The following CSTF3 variants were observed in gnomAD, a reference collection of about 807,000 sequenced individuals.
CSTF3 encodes CF-1 77 kDa subunit.
In CSTF3, 29 loss-of-function variants were observed where a neutral mutation model predicts 105.8. The observed-to-expected ratio is 0.27, with a 90% confidence interval of 0.20 to 0.37. CSTF3 has a LOEUF of 0.37. Ranked by LOEUF, CSTF3 falls within the 10% of genes least tolerant of loss-of-function variation. The probability of loss-of-function intolerance (pLI) is 1.00; values close to 1 mark genes in which losing one functional copy is unlikely to be tolerated. For synonymous variants in CSTF3, 252 were observed against 281.9 expected, an observed-to-expected ratio of 0.89 and a Z score of 1.06; for missense variants, 357 against 879.3, an observed-to-expected ratio of 0.41 and a Z score of 7.51.
At chr11:33,087,807 A>G (rs1271306892) in intron 17 of CSTF3, among the ~76,000 whole-genome samples, 2 of 152,180 alleles carry the variant, frequency 1.3e-5, no homozygotes, top group Non-Finnish European at 2.9e-5. Context: ...AGAGAGGAGG[A>G]TTGGGAGGGC....
Position 33,099,651 on chromosome 11 carries a change from G to T in CSTF3, c.893C>A (p.Ala298Asp). 2.5e-6 allele frequency: 4 copies of T among 1,612,278 alleles called. No homozygotes were observed. Among genetic ancestry groups the T allele is most frequent in the Non-Finnish European group, 3.4e-6 (4 of 1,179,258 alleles). The stretch of plus-strand genomic sequence containing the variant: ...TTTACTTGACTGCTCAAGATACTGG[G>T]CAGCTTCATACCAAATATCAGGGTG... ...GHHPDIWYEA[A>D]QYLEQSSKLL... The change falls in exon 11 of 21, where the codon GCC (alanine) becomes GAC (aspartate). Residue 298 changes from alanine (A) to aspartate (D), a missense_variant. By Grantham distance (126) the Ala-to-Asp change is moderately radical. Transcript: ENST00000323959. The surrounding 1 kb of genome is among the most constrained non-coding windows in gnomAD (Gnocchi z 4.1).
intron 1 of CSTF3, among the ~76,000 whole-genome samples, chr11:33,159,702 G>A (rs1474911957): frequency 2.0e-5 from 3 of 151,974 alleles, no homozygotes; most frequent in African/African-American, 7.3e-5. Flanking sequence ...AGCGCAGGGA[G>A]GTCGAAGCTA....
At chr11:33,130,610 T>C (rs1349449306) in intron 3 of CSTF3, among the ~76,000 whole-genome samples, 2 of 152,246 alleles carry the variant, frequency 1.3e-5, no homozygotes, top group Non-Finnish European at 2.9e-5. Context: ...TAATACACTC[T>C]ACCTAAATCC....
chr11:33,111,173 T>C (rs1855376057), intron 3 of CSTF3, among the ~76,000 whole-genome samples: 1 of 152,142 alleles, frequency 6.6e-6, no homozygotes, highest in African/African-American at 2.4e-5. Context: ...GAGGTTGCAG[T>C]GAGCTGATAT....
At chr11:33,111,481 A>C (rs1398209259) in intron 3 of CSTF3, among the ~76,000 whole-genome samples, 2 of 152,088 alleles carry the variant, frequency 1.3e-5, no homozygotes, top group East Asian at 3.8e-4. Flanking sequence ...AAAATAAATA[A>C]AAATAAATCC....
At chr11:33,143,073 G>T (rs980736366) in intron 1 of CSTF3, among the ~76,000 whole-genome samples, 3 of 152,096 alleles carry the variant, frequency 2.0e-5, no homozygotes, top group Admixed American at 1.3e-4. Flanking sequence ...CAAAGAAAAT[G>T]CATGAAATGA....
At position 33,090,816 on chromosome 11, in the gene CSTF3, T is replaced by C. The variant is rs1294634531; in HGVS notation, c.1446-89A>G. ...ACAAAAACGCCTTAAGCTCTCTCTT[T>C]TTCCCTTAACTTATAAAAAGTGACT... On this transcript the variant is annotated intron_variant, in intron 16 of 20. Coordinates refer to ENST00000323959, the MANE Select transcript of CSTF3 (RefSeq NM_001326.3). 23 of 776,530 alleles carry C rather than the reference T, an allele frequency of 3.0e-5. No homozygotes were observed. The Admixed American group carries it at 3.5e-4, about 12-fold the overall frequency. The allele number at this position is 776,530 out of a possible 1,614,324, so 48.1% of individuals were successfully genotyped here.
At chr11:33,108,270 T>G in intron 4 of CSTF3, 116 bp downstream of exon 4, 1 of 1,025,512 alleles carries the variant, frequency 9.8e-7, no homozygotes, top group Non-Finnish European at 1.3e-6. Context: ...TACAATTAAC[T>G]TGTAAAAAAT....
At chr11:33,154,867 A>G (rs755252357) in intron 1 of CSTF3, among the ~76,000 whole-genome samples, 3 of 152,076 alleles carry the variant, frequency 2.0e-5, no homozygotes, top group Non-Finnish European at 4.4e-5. Flanking sequence ...ACTATATGTG[A>G]CAGGTGTCAC....
chr11:33,092,358 A>G lies in CSTF3; in HGVS notation c.1376-18T>C. Reference sequence around the variant, plus strand: ...ATTGTCCTCTAGGATATTGAAAAAGATTTTAATTTTTTTAATTCACTTTTA... The same window carrying G: ...ATTGTCCTCTAGGATATTGAAAAAGGTTTTAATTTTTTTAATTCACTTTTA... On this transcript the variant is annotated intron_variant, in intron 15 of 20. Coordinates refer to ENST00000323959, the MANE Select transcript of CSTF3 (RefSeq NM_001326.3). The G allele has an allele frequency of 6.8e-7, 1 of 1,464,312 alleles. No homozygotes were observed. Among genetic ancestry groups the G allele is most frequent in the South Asian group, 1.3e-5 (1 of 78,092 alleles). The allele number at this position is 1,464,312 out of a possible 1,614,324, so 90.7% of individuals were successfully genotyped here. A position where few individuals can be genotyped will look rare whatever the true frequency, so the allele number is the denominator to read the frequency against.
chr11:33,118,048 CT>C (rs1855449659), intron 3 of CSTF3, among the ~76,000 whole-genome samples: 1 of 147,178 alleles, frequency 6.8e-6, no homozygotes, highest in African/African-American at 2.5e-5. Context: ...TCAACATTTT[CT>C]TTTTTATCTC....
chr11:33,092,638 C>G (rs1490287860), intron 15 of CSTF3, among the ~76,000 whole-genome samples: 1 of 152,166 alleles, frequency 6.6e-6, no homozygotes, highest in Non-Finnish European at 1.5e-5. Context: ...ACAGTGCCGT[C>G]TGAACCAGGT....
At chr11:33,153,327 G>A (rs1849813898) in intron 1 of CSTF3, among the ~76,000 whole-genome samples, 1 of 152,146 alleles carries the variant, frequency 6.6e-6, no homozygotes, top group Non-Finnish European at 1.5e-5. Context: ...GTGGATAGGT[G>A]ATGTAGCCTC....
intron 9 of CSTF3, 149 bp from the exon 10 acceptor site, chr11:33,102,488 A>G (rs1166529818): frequency 1.9e-5 from 14 of 719,456 alleles, no homozygotes; most frequent in Non-Finnish European, 3.1e-5. Context: ...ATTTAAGAGT[A>G]GAGAGAAAGA....
At chr11:33,140,586 G>A (rs1855700119) in intron 3 of CSTF3, among the ~76,000 whole-genome samples, 2 of 151,996 alleles carry the variant, frequency 1.3e-5, no homozygotes, top group South Asian at 4.1e-4. Flanking sequence ...TCCATTCTGA[G>A]GACATATCAC....
chr11:33,113,900 A>T (rs887758440), intron 3 of CSTF3, among the ~76,000 whole-genome samples: 5 of 152,134 alleles, frequency 3.3e-5, no homozygotes, highest in Admixed American at 6.5e-5. Context: ...TGTTTAAAAA[A>T]AAAAATCAGT....
intron 3 of CSTF3, among the ~76,000 whole-genome samples, chr11:33,137,118 T>G (rs1049091166): frequency 6.6e-6 from 1 of 151,822 alleles, no homozygotes; most frequent in African/African-American, 2.4e-5. Context: ...CGTAAGAGTC[T>G]TTGCAGGGTA....
chr11:33,157,697 T>A (rs1849885119), intron 1 of CSTF3, among the ~76,000 whole-genome samples: 1 of 152,154 alleles, frequency 6.6e-6, no homozygotes. Context: ...AAAATGACTA[T>A]CCATATATTT....
At chr11:33,113,886 T>C (rs1855405452) in intron 3 of CSTF3, among the ~76,000 whole-genome samples, 1 of 151,576 alleles carries the variant, frequency 6.6e-6, no homozygotes, top group Non-Finnish European at 1.5e-5. Flanking sequence ...CAAGGCCCCA[T>C]CTCTGTTTAA....
Sources: gnomAD v4.1 joint callset for allele counts (sites outside exome capture counted in the v4.1 genomes callset) on GRCh38, gnomAD v4.1.1 for gene constraint, Gnocchi (gnomAD v3.1) non-coding constraint, MANE v1.5 for transcripts, NCBI Gene and HGNC (gene_info 2026-07-23, HGNC 2026-07-21) for gene names.